The following CEP41 variants were observed in gnomAD, a reference collection of about 807,000 sequenced individuals.
CEP41 encodes the protein centrosomal protein of 41 kDa.
In CEP41, 32 loss-of-function variants were observed where a neutral mutation model predicts 44.3. The observed-to-expected ratio is 0.72, with a 90% CI of 0.54 to 0.97. The LOEUF (loss-of-function observed/expected upper bound fraction) is 0.97, where lower values mean the gene tolerates loss of function less well. CEP41 is among the 50% of genes least tolerant of loss of function. The pLI is 0.00. For synonymous variants in CEP41, 151 were observed against 168.5 expected (o/e 0.90, Z 0.80); for missense variants, 432 against 455.2 (o/e 0.95, Z 0.46).
rs782396036 is a variant in CEP41, at chr7:130,396,028, C to T, written c.*2863G>A. 17 of 453,966 alleles carry T rather than the reference C, an allele frequency of 3.7e-5. No individual in the cohort carries two copies. Among genetic ancestry groups the T allele is most frequent in the East Asian group, 3.5e-4 (5 of 14,408 alleles). The allele number at this position is 453,966 out of a possible 1,614,324, so 28.1% of individuals were successfully genotyped here. A position where few individuals can be genotyped will look rare whatever the true frequency, so the allele number is the denominator to read the frequency against. Reference sequence around the variant, plus strand: ...TAATGTAGCTTTCTCCTTTCTCTCTCGCTTTCTGCTTCTTTTCTTCTCTCT... The same window carrying T: ...TAATGTAGCTTTCTCCTTTCTCTCTTGCTTTCTGCTTCTTTTCTTCTCTCT... On this transcript the variant is annotated 3_prime_UTR_variant, in exon 11 of 11. Transcript: ENST00000223208.
At position 130,404,636 on chromosome 7, in the gene CEP41, T is replaced by C. The variant is rs782349245; in HGVS notation, c.350A>G (p.Glu117Gly). Residue 117 changes from glutamate to glycine, a missense_variant, in exon 6 of 11, where the codon GAG (glutamate) becomes GGG (glycine). By Grantham distance (98) the Glu-to-Gly change is moderately conservative. Transcript: ENST00000223208. ...GAACTGCTCAGGGCTCGGCGACTGCTCACCTGGATTTCCTTTCCCATTGGT... is the reference window on the plus strand; with the variant it reads ...GAACTGCTCAGGGCTCGGCGACTGCCCACCTGGATTTCCTTTCCCATTGGT... ...ARTNGKGNPG[E>G]QSPSPEQFIN... The C allele has an allele frequency of 6.2e-7, 1 of 1,613,632 alleles. No homozygotes were observed. The highest frequency in any genetic ancestry group is 8.5e-7 in the Non-Finnish European group (1 of 1,179,518).
At chr7:130,432,469 C>T (rs944320573) in intron 1 of CEP41, among the ~76,000 whole-genome samples, 3 of 151,426 alleles carry the variant, frequency 2.0e-5, no homozygotes, top group African/African-American at 4.9e-5. Context: ...ATGGAACTAT[C>T]GGCTGGGCAC....
chr7:130,419,421 A>G (rs975353940), intron 2 of CEP41: 31 of 985,270 alleles, frequency 3.1e-5, no homozygotes, highest in Non-Finnish European at 3.7e-5. Flanking sequence ...CATCTTAACT[A>G]TGCAGCCTAT....
In CEP41 at chr7:130,397,712, A is replaced by C. The variant is rs1348695970; in HGVS notation, c.*1179T>G. 5 of 454,072 alleles carry C rather than the reference A, an allele frequency of 1.1e-5. No individual in the cohort carries two copies. The highest frequency in any genetic ancestry group is 8.0e-5 in the African/African-American group (4 of 49,914). The allele number at this position is 454,072 out of a possible 1,614,324, so 28.1% of individuals were successfully genotyped here. ...ATAAAAATTAACACCGCTCTTTTCC[A>C]TCTGATTTCAGAGTTCCTCATCCTT... On this transcript the variant is annotated 3_prime_UTR_variant, in exon 11 of 11. Coordinates refer to ENST00000223208, the MANE Select transcript of CEP41 (RefSeq NM_018718.3).
chr7:130,421,981 G>A, intron 2 of CEP41: 1 of 1,535,942 alleles, frequency 6.5e-7, no homozygotes, highest in Non-Finnish European at 8.7e-7. Flanking sequence ...GGCAGTGCTG[G>A]GGAGCTGGTA....
chr7:130,436,894 C>A (rs1281040292), intron 1 of CEP41, among the ~76,000 whole-genome samples: 1 of 152,082 alleles, frequency 6.6e-6, no homozygotes, highest in Non-Finnish European at 1.5e-5. Flanking sequence ...AAAAAATTAG[C>A]TGGGCGTGGT....
intron 1 of CEP41, among the ~76,000 whole-genome samples, chr7:130,428,927 A>T (rs1383898521): frequency 4.0e-5 from 6 of 151,722 alleles, no homozygotes; most frequent in African/African-American, 1.2e-4. Context: ...ATAAATAAAT[A>T]AATAAATAAA....
chr7:130,404,492 A>C, intron 6 of CEP41, 72 bp downstream of exon 6: 1 of 1,275,740 alleles, frequency 7.8e-7, no homozygotes. Flanking sequence ...GAAAAAAAAA[A>C]GATCCCTGAA....
At chr7:130,410,029 C>CTTTTTTTTTTTTTTCTTT (rs782636525) in intron 5 of CEP41, among the ~76,000 whole-genome samples, 1 of 139,890 alleles carries the variant, frequency 7.1e-6, no homozygotes, top group African/African-American at 2.6e-5. Flanking sequence ...CCTCGGTCTT[C>CTTTTTTTTTTTTTTCTTT]TTTTTTTTTT....
intron 5 of CEP41, chr7:130,410,841 CA>C: frequency 4.1e-6 from 2 of 482,888 alleles, no homozygotes; most frequent in African/African-American, 3.9e-5. Context: ...TGTGTAGGTA[CA>C]AAGAATGCTA....
intron 1 of CEP41, 40 bp from the exon 2 acceptor site, chr7:130,428,058 A>G: frequency 7.6e-7 from 1 of 1,313,622 alleles, no homozygotes; most frequent in Non-Finnish European, 1.1e-6. Flanking sequence ...GGGTTAATGT[A>G]AGGATAACGA....
chr7:130,437,455 T>G lies in CEP41; in HGVS notation c.33+3479A>C, dbSNP rs188875757. On this transcript the variant is annotated intron_variant, in intron 1 of 10. Transcript: ENST00000223208. ...TGGACTTCACAACAACACAAGACAC[T>G]AGACCACTAAGCAATGTTTTGCAAG... Among the ~76,000 whole-genome samples, 322 of 151,672 alleles carry G rather than the reference T, an allele frequency of 2.1e-3. 1 individual carries two copies. Among genetic ancestry groups the G allele is most frequent in the African/African-American group, 7.2e-3 (297 of 41,358 alleles).
At chr7:130,401,119 T>A (rs144431083) in intron 8 of CEP41, 131 of 367,488 alleles carry the variant, frequency 3.6e-4, no homozygotes, top group African/African-American at 2.6e-3. Flanking sequence ...AATATTACAA[T>A]CCCCATTTTA....
chr7:130,413,470 A>C (rs1797244381), intron 3 of CEP41, among the ~76,000 whole-genome samples: 1 of 151,604 alleles, frequency 6.6e-6, no homozygotes, highest in Non-Finnish European at 1.5e-5. Flanking sequence ...AATCCCAACT[A>C]CTCCAGAGGC....
At chr7:130,421,495 C>T (rs984762197) in intron 2 of CEP41, 92 of 981,454 alleles carry the variant, frequency 9.4e-5, no homozygotes, top group Middle Eastern at 1.0e-3. Context: ...CTTCCTTTGA[C>T]GGAAGAAACA....
intron 9 of CEP41, 173 bp downstream of exon 9, chr7:130,400,532 CAT>C (rs1554416600): frequency 1.1e-5 from 7 of 656,870 alleles, no homozygotes; most frequent in African/African-American, 5.4e-5. Flanking sequence ...GAATTAAAAA[CAT>C]GTGCTGATGA....
chr7:130,400,966 G>A, intron 8 of CEP41, 145 bp from the exon 9 acceptor site: 2 of 665,772 alleles, frequency 3.0e-6, no homozygotes, highest in South Asian at 1.6e-5. Flanking sequence ...ACACCAGCAG[G>A]GACTGGATGG....
chr7:130,404,486 A>T, intron 6 of CEP41, 78 bp downstream of exon 6: 1 of 1,248,854 alleles, frequency 8.0e-7, no homozygotes, highest in South Asian at 1.2e-5. Flanking sequence ...AGGCAAGAAA[A>T]AAAAAAGATC....
intron 2 of CEP41, chr7:130,419,175 G>C: frequency 1.0e-6 from 1 of 985,320 alleles, no homozygotes; most frequent in Non-Finnish European, 1.2e-6. Flanking sequence ...CAAGTTTTTT[G>C]CAATTATACA....
Sources: gnomAD v4.1 joint callset for allele counts (sites outside exome capture counted in the v4.1 genomes callset) on GRCh38, gnomAD v4.1.1 for gene constraint, MANE v1.5 for transcripts, NCBI Gene and HGNC (gene_info 2026-07-23, HGNC 2026-07-21) for gene names.